C1orf174: variants seen among roughly 807,000 people sequenced by gnomAD.
C1orf174 encodes the protein chromosome 1 open reading frame 174.
Under a neutral mutation model 18.4 loss-of-function variants are expected in C1orf174, and 13 were observed. That is an observed-to-expected ratio of 0.71 (90% confidence interval 0.46 to 1.12). The LOEUF is 1.12. C1orf174 is among the 50% of genes most tolerant of loss of function. The probability of loss-of-function intolerance (pLI) is 0.00; values close to 1 mark genes in which losing one functional copy is unlikely to be tolerated. For missense variants in C1orf174, 309 were observed against 308.0 expected, an observed-to-expected ratio of 1.00 and a Z score of -0.02; for synonymous variants, 100 against 118.3, an observed-to-expected ratio of 0.85 and a Z score of 1.01.
intron 1 of C1orf174, among the ~76,000 whole-genome samples, chr1:3,894,662 A>G (rs1242217860): frequency 6.6e-6 from 1 of 152,022 alleles, no homozygotes; most frequent in African/African-American, 2.4e-5. Context: ...GTAGCCCAAG[A>G]CAGCTCCAGA....
chr1:3,896,719 G>C (rs1430235838), intron 1 of C1orf174, among the ~76,000 whole-genome samples: 1 of 152,222 alleles, frequency 6.6e-6, no homozygotes, highest in Non-Finnish European at 1.5e-5. Flanking sequence ...GAGGCCTCTT[G>C]GACACAGAAC....
intron 1 of C1orf174, among the ~76,000 whole-genome samples, chr1:3,898,532 AACAAC>A (rs60302317): frequency 0.21 from 31,870 of 149,710 alleles, 3,699 homozygotes; most frequent in African/African-American, 0.33. Context: ...CAACAACAAC[AACAAC>A]AACAACAACA....
Position 3,889,853 on chromosome 1 carries a change from G to C in C1orf174, c.*107C>G. 9.5e-7 allele frequency: 1 copy of C among 1,053,516 alleles called. No homozygotes were observed. The highest frequency in any genetic ancestry group is 1.5e-6 in the Non-Finnish European group (1 of 681,120). The allele number at this position is 1,053,516 out of a possible 1,614,324, so 65.3% of individuals were successfully genotyped here. ...CTTAGATGGGTCAGTTCTGAAGTTT[G>C]ATTAAGACATTCTCTTGGAGATACA... On this transcript the variant is annotated 3_prime_UTR_variant, in exon 4 of 4. Coordinates refer to ENST00000361605, the MANE Select transcript of C1orf174 (RefSeq NM_207356.3).
rs753311087 is a variant in C1orf174 at position 3,890,665 on chromosome 1, C to CTT, written c.520_521dup (p.Pro175SerfsTer12). 2 of 1,614,018 alleles carry CTT rather than the reference C, an allele frequency of 1.2e-6. No individual in the cohort carries two copies. The highest frequency in any genetic ancestry group is 1.7e-6 in the Non-Finnish European group (2 of 1,180,040). ...CGCTGTTGTCCATCTGAAGTGGTGG[C>CTT]TTCTGCACATCCTCTGTCTGTAGCC... On this transcript the variant is annotated frameshift_variant, in exon 3 of 4. Transcript: ENST00000361605. LOFTEE classifies it high-confidence loss of function.
intron 1 of C1orf174, among the ~76,000 whole-genome samples, chr1:3,896,601 C>A (rs770228692): frequency 6.6e-6 from 1 of 152,210 alleles, no homozygotes; most frequent in Non-Finnish European, 1.5e-5. Context: ...GTTCAAGTAC[C>A]GTGGATGCTG....
chr1:3,896,969 T>C (rs1352543334), intron 1 of C1orf174, among the ~76,000 whole-genome samples: 1 of 152,172 alleles, frequency 6.6e-6, no homozygotes, highest in African/African-American at 2.4e-5. Context: ...CTGAACACTG[T>C]GGCAGGGGAA....
intron 2 of C1orf174, 79 bp from the exon 3 acceptor site, chr1:3,891,136 T>G: frequency 6.8e-6 from 10 of 1,464,432 alleles, no homozygotes; most frequent in Non-Finnish European, 9.1e-6. Context: ...CTAGTATTTC[T>G]TCTCACATCG....
intron 1 of C1orf174, chr1:3,895,796 T>A (rs1022129155): frequency 6.6e-6 from 1 of 152,262 alleles, no homozygotes; most frequent in African/African-American, 2.4e-5. Flanking sequence ...TTTCTCATCA[T>A]TGAGATTCTC....
chr1:3,894,606 CAAA>C (rs56302416), intron 1 of C1orf174, among the ~76,000 whole-genome samples: 3 of 112,328 alleles, frequency 2.7e-5, no homozygotes, highest in South Asian at 3.1e-4. Flanking sequence ...GACTCCGTCT[CAAA>C]AAAAAAAAAA....
chr1:3,890,072 T>C lies in C1orf174; in HGVS notation c.620A>G (p.Asp207Gly). ...RFFGNVELMQ[D>G]LPPASSSCPS... is the part of the protein sequence containing the mutation. ...ACAAGATGAAGACGCAGGTGGGAGG[T>C]CCTTAGTGGAGAAGAAAACATGACT... The change falls in exon 4 of 4, where the codon GAC becomes GGC. Residue 207 changes from aspartate to glycine, a missense_variant and splice_region_variant. Transcript: ENST00000361605. 6.2e-7 allele frequency: 1 copy of C among 1,612,790 alleles called. No homozygotes were observed. The highest frequency in any genetic ancestry group is 1.7e-5 in the Admixed American group (1 of 59,958).
At chr1:3,893,295 G>C (rs1276144689) in intron 1 of C1orf174, among the ~76,000 whole-genome samples, 1 of 152,144 alleles carries the variant, frequency 6.6e-6, no homozygotes, top group Non-Finnish European at 1.5e-5. Flanking sequence ...CAACTTCAAA[G>C]TGTTTAGAAT....
intron 1 of C1orf174, among the ~76,000 whole-genome samples, chr1:3,894,424 A>T (rs1002631261): frequency 6.6e-6 from 1 of 151,590 alleles, no homozygotes; most frequent in Admixed American, 6.6e-5. Context: ...CGGCTAACAC[A>T]GTGAAACCCC....
chr1:3,891,892 G>A, intron 2 of C1orf174: 1 of 861,554 alleles, frequency 1.2e-6, no homozygotes, highest in Non-Finnish European at 1.4e-6. Context: ...GGGTGGGAGG[G>A]TGCTAGGATC....
At chr1:3,892,579 C>T (rs1213817587) in intron 2 of C1orf174, 2 of 232,534 alleles carry the variant, frequency 8.6e-6, no homozygotes, top group Admixed American at 7.6e-5. Context: ...CACGGGTGGG[C>T]GGGTGCTAGG....
chr1:3,898,807 C>G (rs1557742024), intron 1 of C1orf174, among the ~76,000 whole-genome samples: 1 of 152,076 alleles, frequency 6.6e-6, no homozygotes, highest in Non-Finnish European at 1.5e-5. Flanking sequence ...AAAGCAAACC[C>G]CTGCTGGCTA....
intron 1 of C1orf174, among the ~76,000 whole-genome samples, chr1:3,899,064 A>G (rs983358814): frequency 1.3e-5 from 2 of 151,492 alleles, no homozygotes; most frequent in African/African-American, 4.9e-5. Context: ...TGGAAAAAAA[A>G]TCATTAAATT....
At chr1:3,897,906 G>A (rs867741705) in intron 1 of C1orf174, among the ~76,000 whole-genome samples, 27 of 152,086 alleles carry the variant, frequency 1.8e-4, no homozygotes, top group Middle Eastern at 3.4e-3. Flanking sequence ...CTTGTGATCC[G>A]CCTGCCTCAG....
In C1orf174 at chr1:3,890,670, G is replaced by C. The variant is rs769806653; in HGVS notation, c.517C>G (p.Gln173Glu). 19 of 1,613,992 alleles carry C rather than the reference G, an allele frequency of 1.2e-5. No homozygotes were observed. In the Admixed American group the frequency reaches 1.8e-4, roughly 16 times the overall value. ...TTGTCCATCTGAAGTGGTGGCTTCT[G>C]CACATCCTCTGTCTGTAGCCCTGGC... The part of the protein sequence containing the change: ...NEPGLQTEDV[Q>E]KPPLQMDNSV... Residue 173 changes from glutamine (Q) to glutamate (E), a missense_variant, in exon 3 of 4, where the codon CAG (glutamine) becomes GAG (glutamate). By Grantham distance (29) the Gln-to-Glu change is conservative. Transcript: ENST00000361605.
chr1:3,899,128 G>C (rs921656251), intron 1 of C1orf174, among the ~76,000 whole-genome samples: 1 of 152,110 alleles, frequency 6.6e-6, no homozygotes, highest in Non-Finnish European at 1.5e-5. Context: ...AGGAACAGGG[G>C]AAGAAAAAGA....
Sources: gnomAD v4.1 joint callset for allele counts (sites outside exome capture counted in the v4.1 genomes callset) on GRCh38, gnomAD v4.1.1 for gene constraint, MANE v1.5 for transcripts, NCBI Gene and HGNC (gene_info 2026-07-23, HGNC 2026-07-21) for gene names.